Variants in FZD3 observed in about 807,000 individuals in gnomAD.
FZD3 encodes frizzled-3.
A neutral mutation model predicts 60.7 loss-of-function variants in FZD3; 30 were observed. The ratio of observed to expected loss-of-function variants is 0.49; its 90% CI spans 0.37 to 0.67. FZD3 has a LOEUF of 0.67. Ranked by LOEUF, FZD3 falls within the 30% of genes least tolerant of loss-of-function variation. The pLI is 0.00. For missense variants in FZD3, 605 were observed against 838.7 expected, an observed-to-expected ratio of 0.72 and a Z score of 3.44; for synonymous variants, 246 against 275.2, an observed-to-expected ratio of 0.89 and a Z score of 1.05.
chr8:28,564,534 G>T lies in FZD3; in HGVS notation c.*1523G>T, dbSNP rs1345639477. 2 of 149,500 alleles carry T rather than the reference G, an allele frequency of 1.3e-5. No homozygotes were observed. The highest frequency in any genetic ancestry group is 2.0e-4 in the East Asian group (1 of 5,090). 9.3% of individuals were successfully genotyped at this position (149,500 alleles called of 1,614,324 possible). A position where few individuals can be genotyped will look rare whatever the true frequency, so the allele number is the denominator to read the frequency against. ...TACTTTAACTTGCCCCTGATGATCTGTCGGCATCATATATCACATGAACAT... is the reference window on the plus strand; with the variant it reads ...TACTTTAACTTGCCCCTGATGATCTTTCGGCATCATATATCACATGAACAT... On this transcript the variant is annotated 3_prime_UTR_variant, in exon 8 of 8. Coordinates refer to ENST00000240093, the MANE Select transcript of FZD3 (RefSeq NM_017412.4).
At chr8:28,525,032 T>C (rs1197846653) in intron 4 of FZD3, among the ~76,000 whole-genome samples, 2 of 152,222 alleles carry the variant, frequency 1.3e-5, no homozygotes, top group Non-Finnish European at 2.9e-5. Flanking sequence ...TATTTGACTT[T>C]AATTTTGGCA....
intron 5 of FZD3, among the ~76,000 whole-genome samples, chr8:28,537,184 C>T (rs352203): frequency 0.61 from 93,041 of 152,000 alleles, 28,800 homozygotes; most frequent in African/African-American, 0.68. Flanking sequence ...CAGAATACGA[C>T]ATGAAGGAAA....
chr8:28,508,678 TTTTGTTTGTTTGTTTG>T (rs147155384), intron 3 of FZD3, among the ~76,000 whole-genome samples: 1 of 151,442 alleles, frequency 6.6e-6, no homozygotes, highest in Non-Finnish European at 1.5e-5. Context: ...TTTTTGTGTT[TTTTGTTTGTTTGTTTG>T]TTTGTTTGTT....
Position 28,555,726 on chromosome 8 carries a change from TTTG to T in FZD3, c.1554-7_1554-5del, listed in dbSNP as rs756767484. 33 of 1,486,238 alleles carry T rather than the reference TTTG, an allele frequency of 2.2e-5. No homozygotes were observed. In the South Asian group the frequency reaches 3.5e-4, roughly 16 times the overall value. 92.1% of individuals were successfully genotyped at this position (1,486,238 alleles called of 1,614,324 possible). On this transcript the variant is annotated splice_polypyrimidine_tract_variant and intron_variant, in intron 6 of 7. Coordinates refer to ENST00000240093, the MANE Select transcript of FZD3 (RefSeq NM_017412.4). ...TTGGTATGTATCTTAAACTTACTAT[TTTG>T]TTGTCTAGGATAGTGAATGAGAGCC...
chr8:28,573,589 C>G lies in FZD3; in HGVS notation c.*10578C>G, dbSNP rs549692065. ...CTGTTTTTTAAGTTCAAGCGCAATGCCTGAAGCATCCTAGATCTCCTTCAC... is the reference window on the plus strand; with the variant it reads ...CTGTTTTTTAAGTTCAAGCGCAATGGCTGAAGCATCCTAGATCTCCTTCAC... On this transcript the variant is annotated 3_prime_UTR_variant, in exon 8 of 8. Transcript: ENST00000240093. 1.3e-5 allele frequency: 2 copies of G among 150,438 alleles called. No homozygotes were observed. The highest frequency in any genetic ancestry group is 4.2e-4 in the South Asian group (2 of 4,742). The allele number at this position is 150,438 out of a possible 1,614,324, so 9.3% of individuals were successfully genotyped here.
chr8:28,535,754 G>T (rs530475971), intron 5 of FZD3, among the ~76,000 whole-genome samples: 1 of 152,144 alleles, frequency 6.6e-6, no homozygotes, highest in South Asian at 2.1e-4. Context: ...TTTTTATATT[G>T]TGTATTTTAA....
At chr8:28,526,214 C>T (rs1360680016) in intron 4 of FZD3, among the ~76,000 whole-genome samples, 4 of 152,280 alleles carry the variant, frequency 2.6e-5, no homozygotes, top group East Asian at 1.9e-4. Context: ...CACTCACACA[C>T]ACATTTCTGC....
intron 5 of FZD3, among the ~76,000 whole-genome samples, chr8:28,540,925 G>A (rs140826782): frequency 1.3e-5 from 2 of 152,288 alleles, no homozygotes; most frequent in African/African-American, 4.8e-5. Context: ...CAGCCTGGGC[G>A]ACAGAGTGAG....
rs1048366500 is a variant in FZD3 at position 28,564,999 on chromosome 8, G to C, written c.*1988G>C. ...TTAGGTTATTGTGGATTTAAGAGGT[G>C]TGAGGACTGCTATAGTACATTCCTT... On this transcript the variant is annotated 3_prime_UTR_variant, in exon 8 of 8. Coordinates refer to ENST00000240093, the MANE Select transcript of FZD3 (RefSeq NM_017412.4). 1.3e-5 allele frequency: 2 copies of C among 152,164 alleles called. No individual in the cohort carries two copies. The highest frequency in any genetic ancestry group is 2.9e-5 in the Non-Finnish European group (2 of 68,010). The allele number at this position is 152,164 out of a possible 1,614,324, so 9.4% of individuals were successfully genotyped here. A position where few individuals can be genotyped will look rare whatever the true frequency, so the allele number is the denominator to read the frequency against.
At chr8:28,557,689 T>C (rs1421597440) in intron 7 of FZD3, among the ~76,000 whole-genome samples, 1 of 152,196 alleles carries the variant, frequency 6.6e-6, no homozygotes, top group African/African-American at 2.4e-5. Flanking sequence ...GTGTAGTCTT[T>C]TTCTCCTCTC....
At chr8:28,523,848 C>G in intron 4 of FZD3, among the ~76,000 whole-genome samples, 1 of 152,230 alleles carries the variant, frequency 6.6e-6, no homozygotes, top group East Asian at 1.9e-4. Context: ...TTTAAGAGAT[C>G]GTGAGGACTC....
chr8:28,566,959 CT>C lies in FZD3; in HGVS notation c.*3949del. ...ATGAAATAGTATTTATTATAATGCT[CT>C]GTAACCCATAAATTATTCTACTTAA... On this transcript the variant is annotated 3_prime_UTR_variant, in exon 8 of 8. Transcript: ENST00000240093. 1 of 152,192 alleles carries C rather than the reference CT, an allele frequency of 6.6e-6. No individual in the cohort carries two copies. Among genetic ancestry groups the C allele is most frequent in the East Asian group, 1.9e-4 (1 of 5,186 alleles). The allele number at this position is 152,192 out of a possible 1,614,324, so 9.4% of individuals were successfully genotyped here. A position where few individuals can be genotyped will look rare whatever the true frequency, so the allele number is the denominator to read the frequency against.
In FZD3 at chr8:28,527,093, C is replaced by G. The variant is rs1167476329; in HGVS notation, c.387-54C>G. ...GATTTGGAAATCCAAACTGTTAGAT[C>G]GTGATAGATTTCCCCATAAGTAAAA... On this transcript the variant is annotated intron_variant, in intron 4 of 7. Coordinates refer to ENST00000240093, the MANE Select transcript of FZD3 (RefSeq NM_017412.4). The surrounding 1 kb of genome is among the most constrained non-coding windows in gnomAD (Gnocchi z 5.0). 1 of 1,445,248 alleles carries G rather than the reference C, an allele frequency of 6.9e-7. No individual in the cohort carries two copies. Among genetic ancestry groups the G allele is most frequent in the Middle Eastern group, 2.1e-4 (1 of 4,848 alleles). The allele number at this position is 1,445,248 out of a possible 1,614,324, so 89.5% of individuals were successfully genotyped here.
chr8:28,550,744 G>A (rs1472537486), intron 5 of FZD3, among the ~76,000 whole-genome samples: 5 of 151,638 alleles, frequency 3.3e-5, no homozygotes, highest in African/African-American at 2.4e-5. Context: ...TGCCTGCCTC[G>A]GCTTCCCAAA....
At chr8:28,541,450 G>A (rs1011487073) in intron 5 of FZD3, among the ~76,000 whole-genome samples, 3 of 152,096 alleles carry the variant, frequency 2.0e-5, no homozygotes, top group East Asian at 1.9e-4. Flanking sequence ...TGTTTTTAGC[G>A]CTCCTTCCCT....
rs1289229764 is a variant in FZD3, at chr8:28,569,615, A to G, written c.*6604A>G. On this transcript the variant is annotated 3_prime_UTR_variant, in exon 8 of 8. Coordinates refer to ENST00000240093, the MANE Select transcript of FZD3 (RefSeq NM_017412.4). ...AACCTGTATTATTAACGTCATTTAC[A>G]TGTAAATTGATGGGATTCAGATATT... The G allele has an allele frequency of 6.6e-6, 1 of 152,142 alleles. No individual in the cohort carries two copies. The highest frequency in any genetic ancestry group is 1.5e-5 in the Non-Finnish European group (1 of 68,012). 9.4% of individuals were successfully genotyped at this position (152,142 alleles called of 1,614,324 possible). A position where few individuals can be genotyped will look rare whatever the true frequency, so the allele number is the denominator to read the frequency against.
At chr8:28,508,065 ACTT>A (rs1804187504) in intron 3 of FZD3, among the ~76,000 whole-genome samples, 1 of 151,512 alleles carries the variant, frequency 6.6e-6, no homozygotes, top group South Asian at 2.1e-4. Context: ...ATTTTAAAGA[ACTT>A]TTTTTTTGTA....
At chr8:28,517,849 A>C (rs1804472801) in intron 3 of FZD3, among the ~76,000 whole-genome samples, 1 of 152,082 alleles carries the variant, frequency 6.6e-6, no homozygotes, top group African/African-American at 2.4e-5. Flanking sequence ...TAATAGCTGG[A>C]TCACCACATT....
chr8:28,541,170 A>ACGTC (rs2130430012), intron 5 of FZD3, among the ~76,000 whole-genome samples: 1 of 152,026 alleles, frequency 6.6e-6, no homozygotes, highest in South Asian at 2.1e-4. Flanking sequence ...TTATAAGGGG[A>ACGTC]CACTCCTTCT....
Sources: gnomAD v4.1 joint callset for allele counts (sites outside exome capture counted in the v4.1 genomes callset) on GRCh38, gnomAD v4.1.1 for gene constraint, Gnocchi (gnomAD v3.1) non-coding constraint, MANE v1.5 for transcripts, NCBI Gene and HGNC (gene_info 2026-07-23, HGNC 2026-07-21) for gene names.